Variants in ADARB2 observed in about 807,000 individuals in gnomAD.
The protein encoded by ADARB2 is inactive double-stranded RNA-specific editase B2.
A neutral mutation model predicts 62.2 loss-of-function variants in ADARB2; 25 were observed. The observed-to-expected ratio is 0.40, with a 90% CI of 0.29 to 0.56. The LOEUF (loss-of-function observed/expected upper bound fraction) is 0.56. Ranked by LOEUF, ADARB2 falls within the 20% of genes least tolerant of loss-of-function variation. The probability of loss-of-function intolerance (pLI) is 0.43; values close to 1 mark genes in which losing one functional copy is unlikely to be tolerated. For synonymous variants in ADARB2, 572 were observed against 500.8 expected, an observed-to-expected ratio of 1.14 and a Z score of -1.90; for missense variants, 1,071 against 1,077.4, an observed-to-expected ratio of 0.99 and a Z score of 0.08.
chr10:1,262,472 G>A (rs970287345), intron 4 of ADARB2, among the ~76,000 whole-genome samples: 9 of 151,950 alleles, frequency 5.9e-5, no homozygotes, highest in African/African-American at 9.7e-5. Context: ...AAAAGTGGGC[G>A]AAGGTATGAA....
At chr10:1,452,624 G>A (rs1014103904) in intron 1 of ADARB2, among the ~76,000 whole-genome samples, 2 of 144,222 alleles carry the variant, frequency 1.4e-5, no homozygotes, top group Non-Finnish European at 3.0e-5. Context: ...GGTTGGGGGG[G>A]GGAATATCAC....
At chr10:1,654,108 C>T (rs1474553918) in intron 1 of ADARB2, among the ~76,000 whole-genome samples, 2 of 152,166 alleles carry the variant, frequency 1.3e-5, no homozygotes, top group Non-Finnish European at 2.9e-5. Context: ...GCTCCTTCCC[C>T]ATCACCCTGT....
At chr10:1,244,610 GCAC>G (rs1830965589) in intron 4 of ADARB2, among the ~76,000 whole-genome samples, 2 of 152,250 alleles carry the variant, frequency 1.3e-5, no homozygotes, top group Admixed American at 1.3e-4. Context: ...CCCACCGCCA[GCAC>G]CACGTTCCCA....
intron 1 of ADARB2, among the ~76,000 whole-genome samples, chr10:1,700,036 C>G (rs1445443313): frequency 6.0e-5 from 1 of 16,616 alleles, no homozygotes; most frequent in Non-Finnish European, 1.4e-4. Context: ...AGACCGGGCA[C>G]TCGCCAACAC....
chr10:1,357,594 G>A (rs1278071312), intron 3 of ADARB2, among the ~76,000 whole-genome samples: 2 of 152,164 alleles, frequency 1.3e-5, no homozygotes, highest in Admixed American at 6.5e-5. Context: ...CCCCTTGCAA[G>A]GAGCCTGCAG....
chr10:1,378,824 G>A (rs1449601222), intron 2 of ADARB2, among the ~76,000 whole-genome samples: 1 of 152,182 alleles, frequency 6.6e-6, no homozygotes, highest in Non-Finnish European at 1.5e-5. Context: ...GGTGGAGATA[G>A]GATTCTGGGT....
intron 1 of ADARB2, among the ~76,000 whole-genome samples, chr10:1,610,215 A>G (rs1588322553): frequency 6.6e-6 from 1 of 152,158 alleles, no homozygotes; most frequent in Admixed American, 6.5e-5. Context: ...GCCTCCCTGC[A>G]GCCCCAGGGC....
intron 1 of ADARB2, among the ~76,000 whole-genome samples, chr10:1,444,697 C>A (rs1830946916): frequency 6.7e-6 from 1 of 150,332 alleles, no homozygotes; most frequent in South Asian, 2.1e-4. Context: ...CTCACTCATT[C>A]ATCCATTCAT....
chr10:1,496,578 T>C (rs118093117), intron 1 of ADARB2, among the ~76,000 whole-genome samples: 1 of 152,070 alleles, frequency 6.6e-6, no homozygotes, highest in Non-Finnish European at 1.5e-5. Flanking sequence ...CCATCATTAG[T>C]GTCAACATTG....
chr10:1,437,255 C>CACATATAT (rs1564288753), intron 1 of ADARB2, among the ~76,000 whole-genome samples: 1 of 151,766 alleles, frequency 6.6e-6, no homozygotes, highest in African/African-American at 2.4e-5. Context: ...TATATATACA[C>CACATATAT]ACACACACAC....
At chr10:1,569,276 C>CAG (rs1184394817) in intron 1 of ADARB2, among the ~76,000 whole-genome samples, 2 of 151,838 alleles carry the variant, frequency 1.3e-5, no homozygotes, top group African/African-American at 2.4e-5. Context: ...GAGAGAGAGA[C>CAG]AGAGAGAGAG....
At chr10:1,234,132 G>GTGCACACCAC in intron 5 of ADARB2, among the ~76,000 whole-genome samples, 1 of 151,880 alleles carries the variant, frequency 6.6e-6, no homozygotes, top group East Asian at 1.9e-4. Context: ...GGGATTACAG[G>GTGCACACCAC]CATGCGCCAC....
intron 8 of ADARB2, chr10:1,187,835 G>A (rs767105015): frequency 5.5e-5 from 24 of 436,914 alleles, no homozygotes; most frequent in Non-Finnish European, 1.1e-4. Flanking sequence ...CTTGCATGGG[G>A]GCTTCTTCTC....
intron 8 of ADARB2, 96 bp from the exon 9 acceptor site, chr10:1,185,135 G>T (rs1327888763): frequency 7.1e-7 from 1 of 1,409,514 alleles, no homozygotes; most frequent in Non-Finnish European, 9.5e-7. Flanking sequence ...CTGTATGTGA[G>T]TGGGAATGGT....
At chr10:1,316,459 C>T (rs28662029) in intron 3 of ADARB2, among the ~76,000 whole-genome samples, 5,775 of 152,332 alleles carry the variant, frequency 0.038, 119 homozygotes, top group South Asian at 0.086. Context: ...GTGTCGGCCA[C>T]GGTGCATGCC....
intron 1 of ADARB2, among the ~76,000 whole-genome samples, chr10:1,667,104 A>C (rs147588190): frequency 6.6e-6 from 1 of 152,342 alleles, no homozygotes; most frequent in East Asian, 1.9e-4. Context: ...GTGAGGAATT[A>C]TTTGCGTAAA....
Position 1,592,136 on chromosome 10 carries a change from C to T in ADARB2, c.100+144915G>A, listed in dbSNP as rs75636934. ...GGTTTGGAAGAAGATGCTGAGAGCA[C>T]CAGACACCCAGGATGGGATAAAATG... On this transcript the variant is annotated intron_variant, in intron 1 of 9. Coordinates refer to ENST00000381312, the MANE Select transcript of ADARB2 (RefSeq NM_018702.4). Among the ~76,000 whole-genome samples, 320 of 152,324 alleles carry T rather than the reference C, an allele frequency of 2.1e-3. 1 individual carries two copies. Among genetic ancestry groups the T allele is most frequent in the Middle Eastern group, 3.4e-3 (1 of 294 alleles).
intron 1 of ADARB2, among the ~76,000 whole-genome samples, chr10:1,523,846 C>T (rs1832104960): frequency 6.6e-6 from 1 of 152,164 alleles, no homozygotes; most frequent in South Asian, 2.1e-4. Flanking sequence ...TTTATAAATG[C>T]TCTTTTCTGT....
intron 1 of ADARB2, among the ~76,000 whole-genome samples, chr10:1,571,469 A>G (rs1190287831): frequency 6.6e-6 from 1 of 152,204 alleles, no homozygotes; most frequent in Non-Finnish European, 1.5e-5. Context: ...AAGCAAAATC[A>G]CCACTGGGAT....
Sources: gnomAD v4.1 joint callset for allele counts (sites outside exome capture counted in the v4.1 genomes callset) on GRCh38, gnomAD v4.1.1 for gene constraint, MANE v1.5 for transcripts, NCBI Gene and HGNC (gene_info 2026-07-23, HGNC 2026-07-21) for gene names.